Variants in DCDC1 observed in about 807,000 individuals in gnomAD.
The protein encoded by DCDC1 is doublecortin domain containing 1.
DCDC1 carries 200 observed loss-of-function variants against 178.3 expected under a neutral mutation model. The observed-to-expected ratio is 1.12, with a 90% CI of 1.00 to 1.26. The LOEUF (loss-of-function observed/expected upper bound fraction) is 1.26. Among genes scored for constraint, DCDC1 ranks in the 50% most tolerant of loss-of-function variants. The pLI is 0.00. For synonymous variants in DCDC1, 690 were observed against 604.8 expected, an observed-to-expected ratio of 1.14 and a Z score of -2.07; for missense variants, 1,983 against 1,749.2, an observed-to-expected ratio of 1.13 and a Z score of -2.38.
chr11:31,027,481 A>T (rs1953319557), intron 20 of DCDC1, among the ~76,000 whole-genome samples: 1 of 151,870 alleles, frequency 6.6e-6, no homozygotes, highest in Admixed American at 6.6e-5. Flanking sequence ...GGGGGTCAGA[A>T]TGTATACCAT....
chr11:30,918,160 T>G (rs1446293309), intron 25 of DCDC1, among the ~76,000 whole-genome samples: 1 of 152,174 alleles, frequency 6.6e-6, no homozygotes, highest in Non-Finnish European at 1.5e-5. Context: ...TTTAACAAAG[T>G]TAGCAGGATG....
At chr11:31,307,559 C>T (rs1948537126) in intron 4 of DCDC1, 80 bp downstream of exon 4, 2 of 1,524,738 alleles carry the variant, frequency 1.3e-6, no homozygotes, top group Admixed American at 2.0e-5. Context: ...CTGAGATAGT[C>T]AATTGAAACA....
chr11:31,182,164 A>G (rs1968885562), intron 9 of DCDC1, among the ~76,000 whole-genome samples: 1 of 152,186 alleles, frequency 6.6e-6, no homozygotes, highest in South Asian at 2.1e-4. Flanking sequence ...GTTGGAAAAC[A>G]CTCTTCAGGA....
chr11:31,082,679 TA>T (rs1288354119), intron 17 of DCDC1, among the ~76,000 whole-genome samples: 1 of 152,184 alleles, frequency 6.6e-6, no homozygotes, highest in African/African-American at 2.4e-5. Context: ...TACACATATA[TA>T]TGTGTGTAAT....
chr11:31,105,173 G>A (rs1958768820), intron 13 of DCDC1, among the ~76,000 whole-genome samples: 1 of 151,890 alleles, frequency 6.6e-6, no homozygotes, highest in African/African-American at 2.4e-5. Context: ...GTTTCCTGGT[G>A]CTTTATGTTG....
intron 9 of DCDC1, among the ~76,000 whole-genome samples, chr11:31,187,119 TG>T (rs2136323001): frequency 6.6e-6 from 1 of 152,328 alleles, no homozygotes; most frequent in African/African-American, 2.4e-5. Context: ...ATATCCAGAA[TG>T]TAAAAATTTG....
intron 7 of DCDC1, among the ~76,000 whole-genome samples, chr11:31,272,049 C>T (rs1168191232): frequency 1.3e-5 from 2 of 151,908 alleles, no homozygotes; most frequent in African/African-American, 2.4e-5. Flanking sequence ...GTAATCCCAG[C>T]TACTCAGGAG....
At chr11:31,280,731 T>C (rs1946363530) in intron 7 of DCDC1, 1 of 588,546 alleles carries the variant, frequency 1.7e-6, no homozygotes, top group African/African-American at 1.9e-5. Context: ...TTCTTCTTAA[T>C]GCCGGCAAAG....
At position 31,019,370 on chromosome 11, in the gene DCDC1, C is replaced by T. The variant is rs567288364; in HGVS notation, c.2591+45099G>A. Among the ~76,000 whole-genome samples the T allele has an allele frequency of 7.9e-5, 12 of 152,008 alleles. No individual in the cohort carries two copies. In the East Asian group the frequency reaches 1.4e-3, roughly 17 times the overall value. On this transcript the variant is annotated intron_variant, in intron 20 of 38. Coordinates refer to ENST00000684477, the MANE Select transcript of DCDC1 (RefSeq NM_001387274.1). The stretch of plus-strand genomic sequence containing the variant: ...GTTTGTGGAGATAATGGTTCTTTGA[C>T]GTGAGAAACTTAGAGAATTAAGAAG...
chr11:31,336,198 G>C (rs775314997), intron 1 of DCDC1, among the ~76,000 whole-genome samples: 5 of 152,194 alleles, frequency 3.3e-5, no homozygotes, highest in Admixed American at 6.5e-5. Context: ...GGAGGGAATT[G>C]CAAGTTTAAA....
intron 9 of DCDC1, among the ~76,000 whole-genome samples, chr11:31,239,401 G>C (rs1197109545): frequency 6.6e-6 from 1 of 151,652 alleles, no homozygotes; most frequent in African/African-American, 2.4e-5. Context: ...ATGACTACAG[G>C]GACTTCTCTA....
intron 20 of DCDC1, among the ~76,000 whole-genome samples, chr11:30,996,696 G>A (rs555399223): frequency 6.6e-6 from 1 of 152,308 alleles, no homozygotes; most frequent in Admixed American, 6.5e-5. Flanking sequence ...AACCAAACAT[G>A]CTGGTGCCTT....
intron 11 of DCDC1, among the ~76,000 whole-genome samples, chr11:31,122,797 T>C (rs1382733824): frequency 6.6e-6 from 1 of 152,156 alleles, no homozygotes; most frequent in Non-Finnish European, 1.5e-5. Flanking sequence ...AATCAGATAA[T>C]GATTTCCATA....
At chr11:31,187,811 C>T (rs1334284447) in intron 9 of DCDC1, among the ~76,000 whole-genome samples, 2 of 152,180 alleles carry the variant, frequency 1.3e-5, no homozygotes, top group African/African-American at 2.4e-5. Context: ...ACTAATCATT[C>T]ATCACTAACA....
At chr11:31,323,073 G>A (rs576776567) in intron 3 of DCDC1, among the ~76,000 whole-genome samples, 17 of 152,172 alleles carry the variant, frequency 1.1e-4, no homozygotes, top group African/African-American at 3.6e-4. Flanking sequence ...AATCAGGAAC[G>A]TTTCACTGGA....
chr11:30,922,768 CTG>C, intron 23 of DCDC1, 130 bp from the exon 24 acceptor site: 3 of 878,970 alleles, frequency 3.4e-6, no homozygotes, highest in South Asian at 3.1e-5. Flanking sequence ...TTAAAGAAAA[CTG>C]TGTACCACTC....
chr11:30,954,982 C>T (rs1204228311), intron 20 of DCDC1, among the ~76,000 whole-genome samples: 1 of 152,206 alleles, frequency 6.6e-6, no homozygotes, highest in Non-Finnish European at 1.5e-5. Flanking sequence ...TTCATTAATT[C>T]AGACAACATA....
intron 18 of DCDC1, among the ~76,000 whole-genome samples, chr11:31,068,705 TC>T (rs1383625238): frequency 6.6e-6 from 1 of 152,164 alleles, no homozygotes; most frequent in Non-Finnish European, 1.5e-5. Flanking sequence ...CTAACATGTA[TC>T]CCTTTTATTA....
intron 20 of DCDC1, among the ~76,000 whole-genome samples, chr11:30,976,568 G>A (rs1950114366): frequency 6.6e-6 from 1 of 151,418 alleles, no homozygotes; most frequent in African/African-American, 2.4e-5. Context: ...ATGGCCAACA[G>A]GCATTTGAAA....
Sources: allele counts gnomAD v4.1 joint callset (sites outside exome capture counted in the v4.1 genomes callset), GRCh38; gene constraint gnomAD v4.1.1; transcripts MANE v1.5; gene names NCBI Gene and HGNC (gene_info 2026-07-23, HGNC 2026-07-21).